LMX1A: variants seen among roughly 807,000 people sequenced by gnomAD.
LMX1A encodes the protein LIM homeobox transcription factor 1 alpha, also known as LIM homeobox transcription factor 1-alpha.
Under a neutral mutation model 49.1 loss-of-function variants are expected in LMX1A, and 15 were observed. The observed-to-expected ratio is 0.31, with a 90% CI of 0.20 to 0.47. The LOEUF (loss-of-function observed/expected upper bound fraction) is 0.47. LMX1A is among the 20% of genes least tolerant of loss of function. The pLI is 1.00. For missense variants in LMX1A, 372 were observed against 475.8 expected (o/e 0.78, Z 2.03); for synonymous variants, 167 against 185.7 (o/e 0.90, Z 0.82).
At chr1:165,238,888 T>C (rs1448748199) in intron 4 of LMX1A, among the ~76,000 whole-genome samples, 1 of 152,262 alleles carries the variant, frequency 6.6e-6, no homozygotes, top group Non-Finnish European at 1.5e-5. Context: ...GCTGTAGGAC[T>C]GTAAGCAAAT....
At chr1:165,265,576 T>A (rs973024980) in intron 3 of LMX1A, among the ~76,000 whole-genome samples, 1 of 152,176 alleles carries the variant, frequency 6.6e-6, no homozygotes, top group East Asian at 1.9e-4. Flanking sequence ...CTGCACGTCT[T>A]TCCACTGTGA....
At chr1:165,275,224 C>T (rs1163412783) in intron 3 of LMX1A, among the ~76,000 whole-genome samples, 1 of 152,190 alleles carries the variant, frequency 6.6e-6, no homozygotes, top group Non-Finnish European at 1.5e-5. Flanking sequence ...CAGCACCCGA[C>T]AGCCCCGAGT....
chr1:165,355,464 C>A lies in LMX1A; in HGVS notation c.76+20G>T. The A allele has an allele frequency of 6.2e-7, 1 of 1,612,818 alleles. No individual in the cohort carries two copies. The highest frequency in any genetic ancestry group is 1.3e-5 in the African/African-American group (1 of 75,008). ...AAGCGGAAAGAGAGTGCGCCCAGGA[C>A]GCACGGCCTGAACACTCACCCAGCA... On this transcript the variant is annotated intron_variant, in intron 2 of 8. Coordinates refer to ENST00000342310, the MANE Select transcript of LMX1A (RefSeq NM_177398.4). This position sits in a 1 kb window ranked among gnomAD's most constrained non-coding sequence, Gnocchi z 4.7.
chr1:165,206,008 C>T lies in LMX1A; in HGVS notation c.844G>A (p.Gly282Arg), dbSNP rs1651062804. The change falls in exon 8 of 9, where the codon GGG becomes AGG. Residue 282 changes from glycine to arginine, a missense_variant. Gly to Arg is a moderately radical substitution (Grantham distance 125). This residue lies in a region of LMX1A where 127 missense variants were observed against 138.0 expected (regional missense o/e 0.92). Coordinates refer to ENST00000342310, the MANE Select transcript of LMX1A (RefSeq NM_177398.4). ...SAQTNGGGSA[G>R]MEGIMNPYTA... ...TAGGGGTTCATGATTCCTTCCATCC[C>T]AGCACTCCCACCACCGTTTGTCTGA... The T allele has an allele frequency of 1.3e-6, 2 of 1,584,056 alleles. No homozygotes were observed. The highest frequency in any genetic ancestry group is 1.4e-5 in the African/African-American group (1 of 73,504).
intron 3 of LMX1A, among the ~76,000 whole-genome samples, chr1:165,346,501 G>A (rs1350789598): frequency 2.0e-5 from 3 of 152,242 alleles, no homozygotes; most frequent in Admixed American, 6.5e-5. Flanking sequence ...AAGGCGACAA[G>A]CTCTACAGAT....
At chr1:165,239,539 A>G (rs963702589) in intron 4 of LMX1A, among the ~76,000 whole-genome samples, 4 of 152,214 alleles carry the variant, frequency 2.6e-5, no homozygotes, top group Admixed American at 2.6e-4. Flanking sequence ...TAGAAAAGAA[A>G]TGCTGAGCCT....
chr1:165,246,009 T>C (rs1652838134), intron 4 of LMX1A, among the ~76,000 whole-genome samples: 2 of 151,778 alleles, frequency 1.3e-5, no homozygotes, highest in African/African-American at 4.8e-5. Context: ...AACAAACACT[T>C]ATCAAACACC....
chr1:165,285,222 G>A (rs1397309664), intron 3 of LMX1A, among the ~76,000 whole-genome samples: 1 of 152,210 alleles, frequency 6.6e-6, no homozygotes, highest in African/African-American at 2.4e-5. Context: ...AGCACACCCA[G>A]AAGGAAATCC....
At chr1:165,230,006 A>G (rs1291077027) in intron 4 of LMX1A, among the ~76,000 whole-genome samples, 2 of 152,254 alleles carry the variant, frequency 1.3e-5, no homozygotes, top group Non-Finnish European at 2.9e-5. Context: ...ATAATGGGGG[A>G]ACCCTCGTGA....
At chr1:165,209,334 T>C (rs1302135941) in intron 6 of LMX1A, among the ~76,000 whole-genome samples, 1 of 152,210 alleles carries the variant, frequency 6.6e-6, no homozygotes, top group Admixed American at 6.5e-5. Context: ...CCTAAAATTT[T>C]TGGACTCTCC....
chr1:165,320,964 T>C (rs1299639151), intron 3 of LMX1A, among the ~76,000 whole-genome samples: 1 of 152,176 alleles, frequency 6.6e-6, no homozygotes, highest in African/African-American at 2.4e-5. Flanking sequence ...GCATTACTCA[T>C]AGTAGCCAAA....
Position 165,319,042 on chromosome 1 carries a change from C to CA in LMX1A, c.263+34033_263+34034insT, listed in dbSNP as rs1491367292. Among the ~76,000 whole-genome samples the CA allele has an allele frequency of 1.8e-3, 251 of 139,560 alleles. 1 individual carries two copies. The highest frequency in any genetic ancestry group is 6.4e-3 in the African/African-American group (240 of 37,322). 91.6% of individuals were successfully genotyped at this position (139,560 alleles called of 152,430 possible). A position where few individuals can be genotyped will look rare whatever the true frequency, so the allele number is the denominator to read the frequency against. On this transcript the variant is annotated intron_variant, in intron 3 of 8. Coordinates refer to ENST00000342310, the MANE Select transcript of LMX1A (RefSeq NM_177398.4). ...ACACACACACACACACACACACACACCCCAACTTCTTAGTAGGAACTAGAC... is the reference window on the plus strand; with the variant it reads ...ACACACACACACACACACACACACACACCCAACTTCTTAGTAGGAACTAGAC...
chr1:165,298,860 C>T (rs973576839), intron 3 of LMX1A, among the ~76,000 whole-genome samples: 8 of 152,168 alleles, frequency 5.3e-5, no homozygotes, highest in Non-Finnish European at 8.8e-5. Context: ...TATAAGGCAG[C>T]ATATTAAAAC....
chr1:165,225,214 C>T (rs548866062), intron 4 of LMX1A, among the ~76,000 whole-genome samples: 25 of 152,242 alleles, frequency 1.6e-4, no homozygotes, highest in African/African-American at 5.1e-4. Context: ...GCAGACTGGG[C>T]GGCTTCCCAG....
chr1:165,271,986 G>A (rs1195769761), intron 3 of LMX1A, among the ~76,000 whole-genome samples: 2 of 152,142 alleles, frequency 1.3e-5, no homozygotes, highest in Non-Finnish European at 2.9e-5. Context: ...CACAGATAGA[G>A]GACATTTTCT....
chr1:165,295,424 A>T (rs534055028), intron 3 of LMX1A, among the ~76,000 whole-genome samples: 1 of 148,118 alleles, frequency 6.8e-6, no homozygotes, highest in African/African-American at 2.4e-5. Flanking sequence ...GATATAAATT[A>T]AAAATATTTA....
intron 3 of LMX1A, among the ~76,000 whole-genome samples, chr1:165,332,417 C>T (rs1476672927): frequency 1.3e-5 from 2 of 151,944 alleles, no homozygotes; most frequent in Non-Finnish European, 2.9e-5. Flanking sequence ...TTTAAAAAAA[C>T]AAAGATTAGG....
At chr1:165,309,413 C>G (rs1023804569) in intron 3 of LMX1A, among the ~76,000 whole-genome samples, 3 of 152,230 alleles carry the variant, frequency 2.0e-5, no homozygotes, top group Admixed American at 1.3e-4. Context: ...GGAGGGCAGA[C>G]TGTCAGCTCA....
At chr1:165,304,374 C>T (rs1426795339) in intron 3 of LMX1A, among the ~76,000 whole-genome samples, 3 of 152,108 alleles carry the variant, frequency 2.0e-5, no homozygotes, top group African/African-American at 4.8e-5. Context: ...TTGGTTCAGG[C>T]TTCTCTCAAT....
Sources: allele counts gnomAD v4.1 joint callset (sites outside exome capture counted in the v4.1 genomes callset), GRCh38; gene constraint gnomAD v4.1.1; regional missense constraint gnomAD v4.1.1; non-coding constraint Gnocchi (gnomAD v3.1); transcripts MANE v1.5; gene names NCBI Gene and HGNC (gene_info 2026-07-23, HGNC 2026-07-21).